Variants in CA10 observed in about 807,000 individuals in gnomAD.
CA10 encodes carbonic anhydrase 10 (inactive), also known as carbonic anhydrase-related protein 10.
In CA10, 14 loss-of-function variants were observed where a neutral mutation model predicts 44.2. The observed-to-expected ratio is 0.32, with a 90% confidence interval of 0.21 to 0.50. The LOEUF (loss-of-function observed/expected upper bound fraction) is 0.50. Among genes scored for constraint, CA10 ranks in the 20% least tolerant of loss-of-function variants. The pLI is 0.99. For missense variants in CA10, 350 were observed against 409.7 expected (o/e 0.85, Z 1.26); for synonymous variants, 159 against 141.6 (o/e 1.12, Z -0.87).
At chr17:52,030,418 G>A (rs1277558868) in intron 2 of CA10, among the ~76,000 whole-genome samples, 1 of 152,166 alleles carries the variant, frequency 6.6e-6, no homozygotes, top group African/African-American at 2.4e-5. Flanking sequence ...GGGATGTTCA[G>A]GCTGACAAAG....
rs118172104 is a variant in CA10 at position 51,857,606 on chromosome 17, T to A, written c.279+73384A>T. 7.2e-5 allele frequency among the ~76,000 whole-genome samples: 11 copies of A among 152,260 alleles called. No homozygotes were observed. In the East Asian group the frequency reaches 1.9e-3, roughly 27 times the overall value. On this transcript the variant is annotated intron_variant, in intron 3 of 8. Coordinates refer to ENST00000451037, the MANE Select transcript of CA10 (RefSeq NM_020178.5). ...GCTGAGACACACACGGCTTCATGCA[T>A]CAACTTACTATCGCAACAAACTATT...
chr17:51,758,863 A>G (rs925763188), intron 3 of CA10, among the ~76,000 whole-genome samples: 5 of 152,184 alleles, frequency 3.3e-5, no homozygotes, highest in Non-Finnish European at 7.3e-5. Context: ...CCCATTTTCC[A>G]GTAAGAGGGT....
intron 3 of CA10, among the ~76,000 whole-genome samples, chr17:51,899,464 A>T (rs59190516): frequency 0.12 from 18,849 of 151,826 alleles, 1,749 homozygotes; most frequent in African/African-American, 0.27. Flanking sequence ...TGATATTTTA[A>T]TGTCAATTTT....
At chr17:51,692,974 C>A (rs1266724187) in intron 4 of CA10, among the ~76,000 whole-genome samples, 1 of 152,146 alleles carries the variant, frequency 6.6e-6, no homozygotes, top group Non-Finnish European at 1.5e-5. Flanking sequence ...AGGTCTTAGT[C>A]AGTTGGTTTC....
chr17:51,968,609 T>C (rs1176364210), intron 2 of CA10, among the ~76,000 whole-genome samples: 1 of 151,874 alleles, frequency 6.6e-6, no homozygotes, highest in Non-Finnish European at 1.5e-5. Flanking sequence ...GGGGTAATAC[T>C]AGGGGATCTT....
rs547647486 is a variant in CA10 at position 52,061,098 on chromosome 17, C to T, written c.136+11221G>A. Reference sequence around the variant, plus strand: ...CTTCCCAAAATGTCCATATTCTAATCCACCAAACCTGTGAATGTGTTACCT... The same window carrying T: ...CTTCCCAAAATGTCCATATTCTAATTCACCAAACCTGTGAATGTGTTACCT... On this transcript the variant is annotated intron_variant, in intron 2 of 8. Transcript: ENST00000451037. Among the ~76,000 whole-genome samples, 7 of 152,244 alleles carry T rather than the reference C, an allele frequency of 4.6e-5. No individual in the cohort carries two copies. The South Asian group carries it at 1.5e-3, about 32-fold the overall frequency.
At chr17:51,700,344 T>C (rs2143456831) in intron 4 of CA10, among the ~76,000 whole-genome samples, 1 of 152,282 alleles carries the variant, frequency 6.6e-6, no homozygotes, top group Non-Finnish European at 1.5e-5. Context: ...CCCAAAGCTC[T>C]CCACCCCACT....
chr17:51,829,437 A>G (rs1458461610), intron 3 of CA10, among the ~76,000 whole-genome samples: 3 of 152,168 alleles, frequency 2.0e-5, no homozygotes, highest in Non-Finnish European at 4.4e-5. Context: ...TACCCCTGTG[A>G]CATCTTGCAA....
chr17:51,856,105 T>C (rs186254997), intron 3 of CA10, among the ~76,000 whole-genome samples: 364 of 152,272 alleles, frequency 2.4e-3, no homozygotes, highest in Non-Finnish European at 3.8e-3. Flanking sequence ...CTTTCTAATG[T>C]TTCTAGCATT....
At chr17:51,975,062 A>T (rs1018671656) in intron 2 of CA10, among the ~76,000 whole-genome samples, 1 of 152,162 alleles carries the variant, frequency 6.6e-6, no homozygotes, top group Admixed American at 6.5e-5. Context: ...TTGAAGAGAG[A>T]CTGCAGTAAG....
At chr17:51,977,990 C>T (rs1168741029) in intron 2 of CA10, among the ~76,000 whole-genome samples, 1 of 151,978 alleles carries the variant, frequency 6.6e-6, no homozygotes, top group Non-Finnish European at 1.5e-5. Context: ...GCTCTGCTGA[C>T]ACAATTAAAA....
intron 4 of CA10, among the ~76,000 whole-genome samples, chr17:51,729,522 T>C (rs1157528610): frequency 6.6e-6 from 1 of 152,192 alleles, no homozygotes; most frequent in Non-Finnish European, 1.5e-5. Flanking sequence ...GAAAAGCCAA[T>C]AGGCAACTGT....
chr17:52,031,402 G>A (rs927901958), intron 2 of CA10, among the ~76,000 whole-genome samples: 3 of 151,964 alleles, frequency 2.0e-5, no homozygotes, highest in Non-Finnish European at 4.4e-5. Context: ...CACCCACCTC[G>A]GCCTCCCAAA....
intron 4 of CA10, among the ~76,000 whole-genome samples, chr17:51,690,088 C>T (rs1915138878): frequency 6.6e-6 from 1 of 152,072 alleles, no homozygotes; most frequent in African/African-American, 2.4e-5. Flanking sequence ...GCTGGGATTA[C>T]AGGAACACAC....
At chr17:51,988,563 A>G (rs1984925767) in intron 2 of CA10, among the ~76,000 whole-genome samples, 2 of 151,962 alleles carry the variant, frequency 1.3e-5, no homozygotes, top group Admixed American at 1.3e-4. Flanking sequence ...TAAAACTGTC[A>G]TGCAGTAAAT....
At position 51,764,810 on chromosome 17, in the gene CA10, C is replaced by T. The variant is rs138379071; in HGVS notation, c.280-16992G>A. Among the ~76,000 whole-genome samples the T allele has an allele frequency of 6.8e-4, 103 of 152,296 alleles. 1 individual carries two copies. Among genetic ancestry groups the T allele is most frequent in the African/African-American group, 2.4e-3 (98 of 41,572 alleles). On this transcript the variant is annotated intron_variant, in intron 3 of 8. Coordinates refer to ENST00000451037, the MANE Select transcript of CA10 (RefSeq NM_020178.5). ...CTTGATTAAGAACCAAATGCTCTTC[C>T]TAGCTCTCCACCTATAGGGATGGGG...
intron 2 of CA10, among the ~76,000 whole-genome samples, chr17:51,972,457 T>C (rs1281075194): frequency 6.6e-6 from 1 of 152,090 alleles, no homozygotes; most frequent in Non-Finnish European, 1.5e-5. Flanking sequence ...TGACCTTCAT[T>C]ACTGTTATAG....
chr17:51,879,245 T>G (rs978178852), intron 3 of CA10, among the ~76,000 whole-genome samples: 1 of 152,134 alleles, frequency 6.6e-6, no homozygotes. Flanking sequence ...GGTGTTACAG[T>G]GAATTTTTTC....
intron 3 of CA10, among the ~76,000 whole-genome samples, chr17:51,874,716 G>A (rs1979975368): frequency 6.6e-6 from 1 of 152,118 alleles, no homozygotes; most frequent in Admixed American, 6.6e-5. Context: ...ATTAACCACT[G>A]CAAGATTATT....
Sources: allele counts gnomAD v4.1 joint callset (sites outside exome capture counted in the v4.1 genomes callset), GRCh38; gene constraint gnomAD v4.1.1; transcripts MANE v1.5; gene names NCBI Gene and HGNC (gene_info 2026-07-23, HGNC 2026-07-21).